NRXN1: variants seen among roughly 807,000 people sequenced by gnomAD.
NRXN1 encodes the protein neurexin 1, also known as neurexin-1.
A neutral mutation model predicts 150.9 loss-of-function variants in NRXN1; 39 were observed. The observed-to-expected ratio is 0.26, with a 90% CI of 0.20 to 0.34. The LOEUF (loss-of-function observed/expected upper bound fraction) is 0.34. Ranked by LOEUF, NRXN1 falls within the 10% of genes least tolerant of loss-of-function variation. NRXN1 has a pLI of 1.00. For synonymous variants in NRXN1, 924 were observed against 757.0 expected (o/e 1.22, Z -3.62); for missense variants, 1,815 against 1,949.9 (o/e 0.93, Z 1.30).
At chr2:50,298,426 C>G (rs1386527472) in intron 17 of NRXN1, among the ~76,000 whole-genome samples, 2 of 151,984 alleles carry the variant, frequency 1.3e-5, no homozygotes, top group African/African-American at 4.8e-5. Context: ...TGAGGAAACC[C>G]AGGGAAATTT....
chr2:50,183,805 A>G (rs2060894558), intron 18 of NRXN1, among the ~76,000 whole-genome samples: 1 of 151,718 alleles, frequency 6.6e-6, no homozygotes, highest in Non-Finnish European at 1.5e-5. Context: ...GTTTTAAGGA[A>G]ACTGATACAA....
At chr2:50,371,978 C>T (rs2080063262) in intron 17 of NRXN1, among the ~76,000 whole-genome samples, 1 of 151,980 alleles carries the variant, frequency 6.6e-6, no homozygotes, top group South Asian at 2.1e-4. Flanking sequence ...ATAGCTGAAT[C>T]ATATTATTTC....
At chr2:50,693,185 A>G (rs1157883691) in intron 5 of NRXN1, among the ~76,000 whole-genome samples, 3 of 152,220 alleles carry the variant, frequency 2.0e-5, no homozygotes, top group African/African-American at 4.8e-5. Flanking sequence ...GCAAAAATCC[A>G]AAGGAGAGAA....
Position 50,971,389 on chromosome 2 carries a change from C to T in NRXN1, c.773-45434G>A, listed in dbSNP as rs1469042693. Among the ~76,000 whole-genome samples, 7 of 151,966 alleles carry T rather than the reference C, an allele frequency of 4.6e-5. No homozygotes were observed. The East Asian group carries it at 1.4e-3, about 29-fold the overall frequency. ...CACAAGGTCAGGAGTTTGAGACCAG[C>T]CTGGCCAACATGGTGAAACCCCGTC... On this transcript the variant is annotated intron_variant, in intron 2 of 22. Coordinates refer to ENST00000401669, the MANE Select transcript of NRXN1 (RefSeq NM_001330078.2).
At chr2:50,586,760 A>G (rs936235365) in intron 8 of NRXN1, among the ~76,000 whole-genome samples, 1 of 152,204 alleles carries the variant, frequency 6.6e-6, no homozygotes, top group Non-Finnish European at 1.5e-5. Context: ...AGAAGCTAAC[A>G]CCTCAACAGT....
intron 19 of NRXN1, among the ~76,000 whole-genome samples, chr2:50,068,502 G>A (rs544007117): frequency 6.6e-6 from 1 of 152,278 alleles, no homozygotes; most frequent in Admixed American, 6.5e-5. Flanking sequence ...TTAAGATAAT[G>A]AGCTCTAATT....
At chr2:50,311,394 A>G (rs945061673) in intron 17 of NRXN1, among the ~76,000 whole-genome samples, 1 of 152,270 alleles carries the variant, frequency 6.6e-6, no homozygotes, top group Non-Finnish European at 1.5e-5. Flanking sequence ...AAAGATATGC[A>G]CTGCTGACAA....
At chr2:49,976,998 T>C (rs1679104846) in intron 21 of NRXN1, among the ~76,000 whole-genome samples, 1 of 152,146 alleles carries the variant, frequency 6.6e-6, no homozygotes, top group African/African-American at 2.4e-5. Context: ...AACATCCATG[T>C]TTTTACCAAT....
At chr2:50,094,838 A>C (rs543236409) in intron 18 of NRXN1, among the ~76,000 whole-genome samples, 1 of 152,232 alleles carries the variant, frequency 6.6e-6, no homozygotes, top group Non-Finnish European at 1.5e-5. Context: ...CTAAATGACC[A>C]TCTGAAGGAA....
At chr2:49,986,793 G>A (rs1464292972) in intron 21 of NRXN1, among the ~76,000 whole-genome samples, 1 of 152,072 alleles carries the variant, frequency 6.6e-6, no homozygotes, top group African/African-American at 2.4e-5. Flanking sequence ...GTTGGGCATG[G>A]TCACTCACAC....
intron 2 of NRXN1, among the ~76,000 whole-genome samples, chr2:51,017,845 C>T (rs1668968400): frequency 6.6e-6 from 1 of 151,948 alleles, no homozygotes; most frequent in Admixed American, 6.6e-5. Flanking sequence ...ATCAATTTTT[C>T]ACCAAAGTTA....
At chr2:50,942,769 G>T (rs1360693076) in intron 2 of NRXN1, among the ~76,000 whole-genome samples, 2 of 152,140 alleles carry the variant, frequency 1.3e-5, no homozygotes, top group Non-Finnish European at 2.9e-5. Context: ...GAAGAACCTT[G>T]CCTTGTCTCA....
chr2:50,779,532 G>T (rs995901930), intron 5 of NRXN1, among the ~76,000 whole-genome samples: 1 of 152,136 alleles, frequency 6.6e-6, no homozygotes, highest in Non-Finnish European at 1.5e-5. Flanking sequence ...ACTTTGGGAG[G>T]CCAAGGCGGG....
chr2:50,025,148 TAG>T (rs1418174295), intron 21 of NRXN1, among the ~76,000 whole-genome samples: 1 of 152,124 alleles, frequency 6.6e-6, no homozygotes, highest in African/African-American at 2.4e-5. Flanking sequence ...GTGAGTGAGG[TAG>T]AGAGTGGAGG....
intron 5 of NRXN1, chr2:50,918,186 G>A (rs1214539026): frequency 6.6e-6 from 1 of 152,668 alleles, no homozygotes; most frequent in Non-Finnish European, 1.5e-5. Context: ...ATTCTTTTCA[G>A]TTCTACTTGT....
At chr2:50,949,611 A>C (rs912686853) in intron 2 of NRXN1, among the ~76,000 whole-genome samples, 1 of 152,004 alleles carries the variant, frequency 6.6e-6, no homozygotes, top group African/African-American at 2.4e-5. Context: ...CCATGGTACC[A>C]CGTTTCTGAG....
chr2:50,111,251 T>C (rs897279723), intron 18 of NRXN1, among the ~76,000 whole-genome samples: 6 of 152,202 alleles, frequency 3.9e-5, no homozygotes, highest in African/African-American at 1.4e-4. Flanking sequence ...CTTCTAAAAA[T>C]ATCTCTGACA....
At chr2:50,637,365 G>A (rs1444500000) in intron 5 of NRXN1, among the ~76,000 whole-genome samples, 1 of 152,058 alleles carries the variant, frequency 6.6e-6, no homozygotes, top group Non-Finnish European at 1.5e-5. Flanking sequence ...AGTATCTGAA[G>A]GGTAGTATAA....
At chr2:50,730,672 C>CTT (rs56042523) in intron 5 of NRXN1, among the ~76,000 whole-genome samples, 8,519 of 121,934 alleles carry the variant, frequency 0.07, 737 homozygotes, top group African/African-American at 0.14. Flanking sequence ...TTCTTGTTTT[C>CTT]TTTTTTTTTT....
Sources: allele counts gnomAD v4.1 joint callset (sites outside exome capture counted in the v4.1 genomes callset), GRCh38; gene constraint gnomAD v4.1.1; transcripts MANE v1.5; gene names NCBI Gene and HGNC (gene_info 2026-07-23, HGNC 2026-07-21).